AGBL4: variants seen among roughly 807,000 people sequenced by gnomAD.
AGBL4 encodes AGBL carboxypeptidase 4.
AGBL4 carries 58 observed loss-of-function variants against 66.4 expected under a neutral mutation model. That is an observed-to-expected ratio of 0.87 (90% CI 0.71 to 1.09). The LOEUF (loss-of-function observed/expected upper bound fraction) is 1.09, where lower values mean the gene tolerates loss of function less well. AGBL4 is among the 50% of genes least tolerant of loss of function. AGBL4 has a pLI of 0.00. For missense variants in AGBL4, 579 were observed against 631.0 expected, an observed-to-expected ratio of 0.92 and a Z score of 0.88; for synonymous variants, 234 against 222.9, an observed-to-expected ratio of 1.05 and a Z score of -0.44.
chr1:48,949,312 G>A (rs1055015249), intron 5 of AGBL4, among the ~76,000 whole-genome samples: 8 of 152,202 alleles, frequency 5.3e-5, no homozygotes, highest in African/African-American at 1.9e-4. Context: ...TATGGGGAAA[G>A]TAAAGTAGGT....
chr1:48,926,225 C>T (rs954673906), intron 5 of AGBL4, among the ~76,000 whole-genome samples: 1 of 145,732 alleles, frequency 6.9e-6, no homozygotes, highest in Non-Finnish European at 1.5e-5. Context: ...AGGTGGCTGA[C>T]CACTTTGCAT....
chr1:49,135,391 G>A (rs573667082), intron 4 of AGBL4, among the ~76,000 whole-genome samples: 1 of 152,056 alleles, frequency 6.6e-6, no homozygotes, highest in Non-Finnish European at 1.5e-5. Context: ...GCTGAGACCA[G>A]TTCAGTCTGG....
chr1:49,818,376 T>A (rs1234261556), intron 2 of AGBL4, among the ~76,000 whole-genome samples: 2 of 151,394 alleles, frequency 1.3e-5, no homozygotes, highest in South Asian at 2.1e-4. Context: ...TTTTGTTTTT[T>A]TTTTTTTGAG....
At chr1:48,767,119 G>A (rs1033004693) in intron 6 of AGBL4, among the ~76,000 whole-genome samples, 3 of 152,180 alleles carry the variant, frequency 2.0e-5, no homozygotes, top group African/African-American at 7.2e-5. Context: ...GGGTGGCCCA[G>A]TATCTAGCAA....
chr1:49,014,604 G>A (rs1662677297), intron 5 of AGBL4, among the ~76,000 whole-genome samples: 1 of 152,176 alleles, frequency 6.6e-6, no homozygotes, highest in African/African-American at 2.4e-5. Context: ...TGCATGCCAG[G>A]TCAGCCTCTT....
chr1:49,654,155 T>C (rs1327953570), intron 3 of AGBL4, among the ~76,000 whole-genome samples: 1 of 151,938 alleles, frequency 6.6e-6, no homozygotes, highest in East Asian at 1.9e-4. Flanking sequence ...CCAGAAGAGA[T>C]TGGGGGCCAA....
At chr1:48,622,900 C>T (rs1232888733) in intron 9 of AGBL4, among the ~76,000 whole-genome samples, 1 of 152,194 alleles carries the variant, frequency 6.6e-6, no homozygotes, top group African/African-American at 2.4e-5. Context: ...CAACTCCTTA[C>T]AAACAAGGAC....
intron 4 of AGBL4, among the ~76,000 whole-genome samples, chr1:49,207,507 T>TTCC (rs1407456598): frequency 6.8e-6 from 1 of 147,538 alleles, no homozygotes; most frequent in Non-Finnish European, 1.5e-5. Context: ...CTTTCTTTCT[T>TTCC]TTTCTTTCTT....
intron 2 of AGBL4, among the ~76,000 whole-genome samples, chr1:49,817,001 C>T (rs927478321): frequency 6.6e-6 from 1 of 152,322 alleles, no homozygotes; most frequent in South Asian, 2.1e-4. Context: ...ATGTCCATTA[C>T]TTCTCCTCCA....
At chr1:50,010,026 G>A (rs1053997765) in intron 1 of AGBL4, among the ~76,000 whole-genome samples, 11 of 152,126 alleles carry the variant, frequency 7.2e-5, no homozygotes, top group Non-Finnish European at 1.0e-4. Context: ...AAAGATATTC[G>A]GCCAGGCGCA....
At chr1:49,433,947 ACATC>A (rs1645844392) in intron 3 of AGBL4, among the ~76,000 whole-genome samples, 1 of 152,212 alleles carries the variant, frequency 6.6e-6, no homozygotes, top group Non-Finnish European at 1.5e-5. Context: ...TTATAATCCA[ACATC>A]AGAGTTAGGG....
chr1:49,740,836 T>C (rs576347751), intron 2 of AGBL4, among the ~76,000 whole-genome samples: 1 of 152,276 alleles, frequency 6.6e-6, no homozygotes, highest in East Asian at 1.9e-4. Context: ...GAAATAAAGA[T>C]GTTCTTTGAA....
intron 6 of AGBL4, among the ~76,000 whole-genome samples, chr1:48,769,260 G>A (rs764689024): frequency 1.3e-5 from 2 of 152,092 alleles, no homozygotes; most frequent in Non-Finnish European, 2.9e-5. Context: ...CATCCACATA[G>A]GGAGAGAAGG....
At chr1:49,832,409 G>C (rs1645714995) in intron 2 of AGBL4, among the ~76,000 whole-genome samples, 2 of 150,254 alleles carry the variant, frequency 1.3e-5, no homozygotes, top group South Asian at 4.3e-4. Context: ...TTGGACATTT[G>C]GCTTGGTTCC....
intron 6 of AGBL4, among the ~76,000 whole-genome samples, chr1:48,786,229 T>C (rs1291678399): frequency 7.2e-5 from 11 of 152,230 alleles, no homozygotes; most frequent in Admixed American, 7.2e-4. Context: ...TGATAGGAAC[T>C]GTACTAACTG....
At chr1:49,378,623 A>G (rs187016054) in intron 3 of AGBL4, among the ~76,000 whole-genome samples, 12 of 152,270 alleles carry the variant, frequency 7.9e-5, no homozygotes, top group Admixed American at 7.9e-4. Flanking sequence ...CACATTAAGA[A>G]TAAGAAGGAA....
At chr1:49,650,219 TGAAG>T (rs1177193992) in intron 3 of AGBL4, among the ~76,000 whole-genome samples, 5 of 151,954 alleles carry the variant, frequency 3.3e-5, no homozygotes, top group African/African-American at 1.2e-4. Context: ...AGTGGAAAGC[TGAAG>T]GAAGTGAGCC....
At chr1:49,094,760 T>C (rs61783561) in intron 4 of AGBL4, among the ~76,000 whole-genome samples, 2 of 152,086 alleles carry the variant, frequency 1.3e-5, no homozygotes, top group East Asian at 1.9e-4. Flanking sequence ...GGAAGCATTC[T>C]CTTTGAAAAC....
chr1:49,822,940 G>A (rs1645407626), intron 2 of AGBL4, among the ~76,000 whole-genome samples: 1 of 152,144 alleles, frequency 6.6e-6, no homozygotes, highest in Non-Finnish European at 1.5e-5. Flanking sequence ...GAAAGAATAT[G>A]TAATATTTCC....
Sources: gnomAD v4.1 joint callset for allele counts (sites outside exome capture counted in the v4.1 genomes callset) on GRCh38, gnomAD v4.1.1 for gene constraint, MANE v1.5 for transcripts, NCBI Gene and HGNC (gene_info 2026-07-23, HGNC 2026-07-21) for gene names.